TMEM143: variants seen among roughly 807,000 people sequenced by gnomAD.
The protein encoded by TMEM143 is transmembrane protein 143.
TMEM143 carries 45 observed loss-of-function variants against 40.3 expected under a neutral mutation model. The observed-to-expected ratio is 1.12, with a 90% confidence interval of 0.88 to 1.43. TMEM143 has a LOEUF of 1.43. Ranked by LOEUF, TMEM143 falls within the 40% of genes most tolerant of loss-of-function variation. TMEM143 has a pLI of 0.00. For synonymous variants in TMEM143, 299 were observed against 282.7 expected (o/e 1.06, Z -0.58); for missense variants, 620 against 613.4 (o/e 1.01, Z -0.11).
At chr19:48,345,081 C>A in intron 4 of TMEM143, 79 bp downstream of exon 4, 1 of 1,481,416 alleles carries the variant, frequency 6.8e-7, no homozygotes. Flanking sequence ...CTACAACTCC[C>A]AGCAGCCCAT....
At chr19:48,351,177 C>T (rs1969764086) in intron 3 of TMEM143, among the ~76,000 whole-genome samples, 1 of 152,070 alleles carries the variant, frequency 6.6e-6, no homozygotes, top group Admixed American at 6.6e-5. Flanking sequence ...CTCAAACCCA[C>T]GATGCCCCAA....
intron 5 of TMEM143, 143 bp from the exon 6 acceptor site, chr19:48,342,952 G>C: frequency 9.6e-7 from 1 of 1,040,516 alleles, no homozygotes; most frequent in South Asian, 1.7e-5. Flanking sequence ...AGAAACCAGG[G>C]ATCAGCTGTG....
At chr19:48,352,241 T>C (rs1407405516) in intron 3 of TMEM143, among the ~76,000 whole-genome samples, 1 of 9,348 alleles carries the variant, frequency 1.1e-4, no homozygotes, top group African/African-American at 3.0e-4. Context: ...AGTGAGACTC[T>C]GTCTCAAAAA....
At position 48,332,991 on chromosome 19, in the gene TMEM143, G is replaced by A. The variant is rs376775352; in HGVS notation, c.*228C>T. The A allele has an allele frequency of 1.9e-3, 735 of 386,442 alleles. 5 individuals carry two copies. Among genetic ancestry groups the A allele is most frequent in the African/African-American group, 0.013 (617 of 48,764 alleles). The allele number at this position is 386,442 out of a possible 1,614,324, so 23.9% of individuals were successfully genotyped here. On this transcript the variant is annotated 3_prime_UTR_variant, in exon 8 of 8. Coordinates refer to ENST00000293261, the MANE Select transcript of TMEM143 (RefSeq NM_018273.4). ...GGGACTAAGAAATGGAACAGAAGCA[G>A]AGCTAAATCGCTTTGATTGGCTGTT...
chr19:48,345,315 C>T lies in TMEM143; in HGVS notation c.409G>A (p.Asp137Asn), dbSNP rs773896848. 1.0e-5 allele frequency: 16 copies of T among 1,592,486 alleles called. No homozygotes were observed. Among genetic ancestry groups the T allele is most frequent in the African/African-American group, 1.3e-5 (1 of 74,140 alleles). Residue 137 changes from aspartate to asparagine, a missense_variant, in exon 4 of 8, where the codon GAT becomes AAT. Coordinates refer to ENST00000293261, the MANE Select transcript of TMEM143 (RefSeq NM_018273.4). ...DPINPDRETL[D>N]QPSLTDPQRL... ...TGGGGATCCGTTAGTGATGGCTGAT[C>T]GAGGGTCTCCCTGTCAGGGTTGATG...
At position 48,359,386 on chromosome 19, in the gene TMEM143, C is replaced by T. The variant is rs78972337; in HGVS notation, c.369+686G>A. 7.9e-3 allele frequency among the ~76,000 whole-genome samples: 1,195 copies of T among 152,152 alleles called. 16 individuals carry two copies. Among genetic ancestry groups the T allele is most frequent in the African/African-American group, 0.027 (1,137 of 41,506 alleles). On this transcript the variant is annotated intron_variant, in intron 3 of 7. Transcript: ENST00000293261. ...TGCTCTTCCATCTGCCAAGAACATC[C>T]TCCCCCAGGCATTCATCAGGCTCGT...
At position 48,342,800 on chromosome 19, in the gene TMEM143, A is replaced by G. The variant is rs1479253032; in HGVS notation, c.705T>C (p.Phe235=). ...TKLPPAERRY[F]KRVVLAARTK... ...TCCGGGCTGCCAGGACCACCCGCTT[A>G]AAGTATCTCCTGAGGGACAGAGACA... The change falls in exon 6 of 8, where the codon TTT becomes TTC. Residue 235 remains phenylalanine (F), a synonymous_variant. Transcript: ENST00000293261. The G allele has an allele frequency of 6.2e-7, 1 of 1,603,902 alleles. No individual in the cohort carries two copies. Among genetic ancestry groups the G allele is most frequent in the Non-Finnish European group, 8.5e-7 (1 of 1,172,278 alleles).
chr19:48,363,715 A>G (rs1970124696), intron 1 of TMEM143, 183 bp downstream of exon 1: 1 of 1,346,900 alleles, frequency 7.4e-7, no homozygotes, highest in Middle Eastern at 1.9e-4. Context: ...GGTCCCAGAC[A>G]GGGGTCAGAG....
chr19:48,355,695 T>C (rs1969874307), intron 3 of TMEM143, among the ~76,000 whole-genome samples: 1 of 152,196 alleles, frequency 6.6e-6, no homozygotes, highest in South Asian at 2.1e-4. Context: ...AGGCCTGGGT[T>C]GTCCAAACCC....
At chr19:48,355,124 C>T (rs1340034479) in intron 3 of TMEM143, among the ~76,000 whole-genome samples, 2 of 151,838 alleles carry the variant, frequency 1.3e-5, no homozygotes, top group African/African-American at 2.4e-5. Context: ...TCAAGTGATT[C>T]TCATGGTTCA....
rs140464364 is a variant in TMEM143 at position 48,337,970 on chromosome 19, C to A, written c.976-3773G>T. ...GTTAAAGGAGCAGGTCACTCTGTGGCACACAGATGAAGCCAGAGTCTCCCT... is the reference window on the plus strand; with the variant it reads ...GTTAAAGGAGCAGGTCACTCTGTGGAACACAGATGAAGCCAGAGTCTCCCT... On this transcript the variant is annotated intron_variant, in intron 6 of 7. Transcript: ENST00000293261. 4.6e-5 allele frequency among the ~76,000 whole-genome samples: 7 copies of A among 152,288 alleles called. No individual in the cohort carries two copies. In the East Asian group the frequency reaches 1.4e-3, roughly 29 times the overall value.
At position 48,350,095 on chromosome 19, in the gene TMEM143, G is replaced by A. The variant is rs1799261; in HGVS notation, c.370-4741C>T. 4.3e-3 allele frequency among the ~76,000 whole-genome samples: 637 copies of A among 149,716 alleles called. 7 individuals are homozygous for A. Among genetic ancestry groups the A allele is most frequent in the African/African-American group, 0.015 (600 of 40,664 alleles). On this transcript the variant is annotated intron_variant, in intron 3 of 7. Transcript: ENST00000293261. ...GACTCACTGCAACCTCCGCCTCCCG[G>A]GTTCAAGTGATTCTCCTGCCTCAGA...
rs141421511 is a variant in TMEM143 at position 48,357,439 on chromosome 19, C to T, written c.369+2633G>A. ...CGCAATCTTGGCTCACTGCAAGCTCCGCCTCCCGGGTTCACGTCATTCTCC... is the reference window on the plus strand; with the variant it reads ...CGCAATCTTGGCTCACTGCAAGCTCTGCCTCCCGGGTTCACGTCATTCTCC... On this transcript the variant is annotated intron_variant, in intron 3 of 7. Coordinates refer to ENST00000293261, the MANE Select transcript of TMEM143 (RefSeq NM_018273.4). 5.4e-3 allele frequency among the ~76,000 whole-genome samples: 820 copies of T among 150,892 alleles called. 10 individuals are homozygous for T. The highest frequency in any genetic ancestry group is 0.019 in the African/African-American group (775 of 40,914).
Position 48,333,043 on chromosome 19 carries a change from A to C in TMEM143, c.*176T>G, listed in dbSNP as rs1014933775. 1.3e-5 allele frequency: 6 copies of C among 449,766 alleles called. No homozygotes were observed. Among genetic ancestry groups the C allele is most frequent in the Non-Finnish European group, 2.3e-5 (6 of 261,622 alleles). The allele number at this position is 449,766 out of a possible 1,614,324, so 27.9% of individuals were successfully genotyped here. A position where few individuals can be genotyped will look rare whatever the true frequency, so the allele number is the denominator to read the frequency against. ...ATCGAAGGGGCGGGGAAGACTTAACAACTGCTAGCTGCTTTGATTGGCTGC... is the reference window on the plus strand; with the variant it reads ...ATCGAAGGGGCGGGGAAGACTTAACCACTGCTAGCTGCTTTGATTGGCTGC... On this transcript the variant is annotated 3_prime_UTR_variant, in exon 8 of 8. Coordinates refer to ENST00000293261, the MANE Select transcript of TMEM143 (RefSeq NM_018273.4). The surrounding 1 kb of genome is among the most constrained non-coding windows in gnomAD (Gnocchi z 4.1).
chr19:48,362,385 CA>C (rs1010545791), intron 2 of TMEM143, among the ~76,000 whole-genome samples: 25 of 152,034 alleles, frequency 1.6e-4, no homozygotes, highest in African/African-American at 5.8e-4. Context: ...ACTAAAAATA[CA>C]AAAATTAGCC....
At chr19:48,343,255 G>A in intron 5 of TMEM143, 66 bp downstream of exon 5, 1 of 1,546,100 alleles carries the variant, frequency 6.5e-7, no homozygotes, top group Non-Finnish European at 8.7e-7. Context: ...ACACTGACCT[G>A]TCAGTCCCCT....
At chr19:48,337,491 G>A (rs553558586) in intron 6 of TMEM143, among the ~76,000 whole-genome samples, 145 of 152,036 alleles carry the variant, frequency 9.5e-4, no homozygotes, top group African/African-American at 3.4e-3. Flanking sequence ...AGGTTGCAGT[G>A]AGCTGAGGTT....
chr19:48,333,160 C>T lies in TMEM143; in HGVS notation c.*59G>A, dbSNP rs548336252. ...ATAATAACCGTAATTGACAGCCTGT[C>T]GTGAAGGAGGCGGGGCTTAGTTCCT... is the stretch of plus-strand genomic sequence containing the variant. On this transcript the variant is annotated 3_prime_UTR_variant, in exon 8 of 8. Coordinates refer to ENST00000293261, the MANE Select transcript of TMEM143 (RefSeq NM_018273.4). This position sits in a 1 kb window ranked among gnomAD's most constrained non-coding sequence, Gnocchi z 4.1. 38 of 1,285,736 alleles carry T rather than the reference C, an allele frequency of 3.0e-5. No individual in the cohort carries two copies. Among genetic ancestry groups the T allele is most frequent in the Non-Finnish European group, 3.5e-5 (34 of 963,978 alleles). The allele number at this position is 1,285,736 out of a possible 1,614,324, so 79.6% of individuals were successfully genotyped here.
intron 6 of TMEM143, among the ~76,000 whole-genome samples, chr19:48,340,810 C>A (rs1969470453): frequency 6.6e-6 from 1 of 152,084 alleles, no homozygotes; most frequent in South Asian, 2.1e-4. Context: ...GCATTCAAGG[C>A]CCTCACCACC....
Sources: gnomAD v4.1 joint callset for allele counts (sites outside exome capture counted in the v4.1 genomes callset) on GRCh38, gnomAD v4.1.1 for gene constraint, Gnocchi (gnomAD v3.1) non-coding constraint, MANE v1.5 for transcripts, NCBI Gene and HGNC (gene_info 2026-07-23, HGNC 2026-07-21) for gene names.